ADAMTS12: variants seen among roughly 807,000 people sequenced by gnomAD.
ADAMTS12 encodes A disintegrin and metalloproteinase with thrombospondin motifs 12.
ADAMTS12 carries 118 observed loss-of-function variants against 167.8 expected under a neutral mutation model. The ratio of observed to expected loss-of-function variants is 0.70; its 90% CI spans 0.61 to 0.82. The LOEUF (loss-of-function observed/expected upper bound fraction) is 0.82, where lower values mean the gene tolerates loss of function less well. Among genes scored for constraint, ADAMTS12 ranks in the 40% least tolerant of loss-of-function variants. ADAMTS12 has a pLI of 0.00. For synonymous variants in ADAMTS12, 704 were observed against 716.9 expected, an observed-to-expected ratio of 0.98 and a Z score of 0.29; for missense variants, 1,916 against 1,998.8, an observed-to-expected ratio of 0.96 and a Z score of 0.79.
At chr5:33,684,890 C>A (rs1455954259) in intron 3 of ADAMTS12, among the ~76,000 whole-genome samples, 1 of 152,186 alleles carries the variant, frequency 6.6e-6, no homozygotes, top group Admixed American at 6.5e-5. Flanking sequence ...CATATTCTAA[C>A]TTGAAAGAGG....
At chr5:33,608,618 G>A (rs997831564) in intron 16 of ADAMTS12, among the ~76,000 whole-genome samples, 8 of 152,058 alleles carry the variant, frequency 5.3e-5, no homozygotes, top group Admixed American at 1.3e-4. Context: ...ACCTTTTCAC[G>A]TGCAACTGCA....
intron 16 of ADAMTS12, among the ~76,000 whole-genome samples, chr5:33,602,367 T>C (rs1403733736): frequency 6.6e-6 from 1 of 152,250 alleles, no homozygotes; most frequent in Non-Finnish European, 1.5e-5. Flanking sequence ...TTATTTTATA[T>C]ATTTATGCAT....
At chr5:33,593,820 C>T (rs867002351) in intron 17 of ADAMTS12, among the ~76,000 whole-genome samples, 12 of 152,168 alleles carry the variant, frequency 7.9e-5, no homozygotes, top group Middle Eastern at 3.2e-3. Flanking sequence ...ACATTCTGCA[C>T]ATGTATCCCA....
chr5:33,579,376 G>A (rs2111975836), intron 18 of ADAMTS12, among the ~76,000 whole-genome samples: 1 of 152,282 alleles, frequency 6.6e-6, no homozygotes, highest in Non-Finnish European at 1.5e-5. Context: ...GGCAACAGGT[G>A]GCTCTCTTTC....
At chr5:33,660,141 G>A (rs77615196) in intron 6 of ADAMTS12, among the ~76,000 whole-genome samples, 3 of 152,130 alleles carry the variant, frequency 2.0e-5, no homozygotes, top group Non-Finnish European at 2.9e-5. Flanking sequence ...GCTCTCCACT[G>A]TCTAGGAGCT....
At position 33,546,083 on chromosome 5, in the gene ADAMTS12, G is replaced by A; in HGVS notation, c.4422C>T (p.His1474=). 6.2e-7 allele frequency: 1 copy of A among 1,613,572 alleles called. No individual in the cohort carries two copies. Among genetic ancestry groups the A allele is most frequent in the East Asian group, 2.2e-5 (1 of 44,868 alleles). ...TMSCNEHLCC[H]WATGNWDLCS... ...CCAGGTCCCAGTTCCCAGTGGCCCAGTGACAGCACAGGTGCTCATTGCAAG... is the reference window on the plus strand; with the variant it reads ...CCAGGTCCCAGTTCCCAGTGGCCCAATGACAGCACAGGTGCTCATTGCAAG... The change falls in exon 22 of 24, where the codon CAC becomes CAT. Residue 1474 remains histidine (H), a synonymous_variant. Transcript: ENST00000504830.
intron 1 of ADAMTS12, among the ~76,000 whole-genome samples, chr5:33,882,576 T>A: frequency 6.6e-6 from 1 of 152,104 alleles, no homozygotes; most frequent in Non-Finnish European, 1.5e-5. Context: ...CTTTTTTTGT[T>A]GTTTTGTTTT....
intron 17 of ADAMTS12, among the ~76,000 whole-genome samples, chr5:33,592,244 AAAAAAAC>A (rs1413680515): frequency 6.7e-6 from 1 of 149,646 alleles, no homozygotes; most frequent in African/African-American, 2.6e-5. Flanking sequence ...CAAACAAACA[AAAAAAAC>A]AAAAAACAAA....
intron 3 of ADAMTS12, among the ~76,000 whole-genome samples, chr5:33,684,839 C>T (rs555986735): frequency 7.2e-5 from 11 of 152,280 alleles, no homozygotes; most frequent in African/African-American, 2.2e-4. Flanking sequence ...AGTAGCTGCA[C>T]GGAATCATTC....
At chr5:33,614,439 A>T in intron 15 of ADAMTS12, 63 bp from the exon 16 acceptor site, 1 of 1,583,404 alleles carries the variant, frequency 6.3e-7, no homozygotes, top group Non-Finnish European at 8.6e-7. Context: ...CCAGTCATGT[A>T]AAAACACCAC....
intron 16 of ADAMTS12, among the ~76,000 whole-genome samples, chr5:33,597,359 A>G (rs1233749601): frequency 1.3e-5 from 2 of 152,232 alleles, no homozygotes; most frequent in South Asian, 2.1e-4. Context: ...CAGTCTGTAC[A>G]AAGGCTGGCA....
chr5:33,614,973 ATAG>A (rs1579749491), intron 15 of ADAMTS12, among the ~76,000 whole-genome samples: 1 of 152,226 alleles, frequency 6.6e-6, no homozygotes, highest in African/African-American at 2.4e-5. Flanking sequence ...TCTTTAACAA[ATAG>A]TAGTTCTGAG....
At chr5:33,758,551 C>T (rs780063445) in intron 2 of ADAMTS12, among the ~76,000 whole-genome samples, 26 of 152,092 alleles carry the variant, frequency 1.7e-4, no homozygotes, top group Admixed American at 1.3e-4. Context: ...TGGATTCGCG[C>T]AAGGGGGTAA....
intron 22 of ADAMTS12, among the ~76,000 whole-genome samples, chr5:33,537,061 T>C (rs970153708): frequency 6.6e-6 from 1 of 152,226 alleles, no homozygotes; most frequent in Admixed American, 6.5e-5. Flanking sequence ...ACTGCTGCCT[T>C]GATCCAATCT....
intron 2 of ADAMTS12, among the ~76,000 whole-genome samples, chr5:33,814,801 C>T (rs1046443100): frequency 1.3e-5 from 2 of 152,162 alleles, no homozygotes; most frequent in Non-Finnish European, 2.9e-5. Flanking sequence ...GATAAGTCAA[C>T]TCAGGACTGA....
intron 5 of ADAMTS12, among the ~76,000 whole-genome samples, chr5:33,671,767 C>T (rs1741699565): frequency 6.6e-6 from 1 of 151,428 alleles, no homozygotes; most frequent in Non-Finnish European, 1.5e-5. Context: ...CACACACATC[C>T]ACATACATAC....
chr5:33,642,124 G>A (rs1042130519), intron 10 of ADAMTS12, among the ~76,000 whole-genome samples, 169 bp from the exon 11 acceptor site: 18 of 152,184 alleles, frequency 1.2e-4, no homozygotes, highest in South Asian at 8.3e-4. Context: ...GCCAAGAGTC[G>A]TGGGTTTTAG....
intron 14 of ADAMTS12, among the ~76,000 whole-genome samples, chr5:33,617,608 C>G (rs1256229417): frequency 6.6e-6 from 1 of 152,110 alleles, no homozygotes; most frequent in Non-Finnish European, 1.5e-5. Flanking sequence ...AGATATTGAT[C>G]ACATGTAATC....
chr5:33,571,972 C>G (rs1746376014), intron 19 of ADAMTS12, among the ~76,000 whole-genome samples: 1 of 152,234 alleles, frequency 6.6e-6, no homozygotes, highest in Admixed American at 6.5e-5. Context: ...ACAAACACCT[C>G]TACACAAATA....
Sources: allele counts gnomAD v4.1 joint callset (sites outside exome capture counted in the v4.1 genomes callset), GRCh38; gene constraint gnomAD v4.1.1; transcripts MANE v1.5; gene names NCBI Gene and HGNC (gene_info 2026-07-23, HGNC 2026-07-21).